FAF2: variants seen among roughly 807,000 people sequenced by gnomAD.
FAF2 encodes FAS-associated factor 2.
Under a neutral mutation model 62.3 loss-of-function variants are expected in FAF2, and 9 were observed. The observed-to-expected ratio is 0.14, with a 90% confidence interval of 0.09 to 0.25. The LOEUF is 0.25. FAF2 is among the 10% of genes least tolerant of loss of function. FAF2 has a pLI of 1.00. For missense variants in FAF2, 368 were observed against 556.2 expected (o/e 0.66, Z 3.40); for synonymous variants, 202 against 198.0 (o/e 1.02, Z -0.17).
intron 2 of FAF2, among the ~76,000 whole-genome samples, chr5:176,483,819 G>C (rs1356688631): frequency 1.3e-5 from 2 of 152,238 alleles, no homozygotes; most frequent in African/African-American, 4.8e-5. Flanking sequence ...GCTCACGCCT[G>C]TAATCCCAGC....
chr5:176,465,453 C>T (rs965510335), intron 1 of FAF2, among the ~76,000 whole-genome samples: 5 of 150,674 alleles, frequency 3.3e-5, no homozygotes, highest in African/African-American at 1.2e-4. Context: ...CTGCAGCCTC[C>T]ACCTCCTGGA....
chr5:176,476,627 C>CTTTTTTT (rs58104178), intron 1 of FAF2, among the ~76,000 whole-genome samples: 7 of 95,060 alleles, frequency 7.4e-5, no homozygotes, highest in Non-Finnish European at 9.9e-5. Context: ...ATTAGAGTCC[C>CTTTTTTT]TTTTTTTTTT....
At chr5:176,465,092 T>C (rs1758440184) in intron 1 of FAF2, among the ~76,000 whole-genome samples, 1 of 152,150 alleles carries the variant, frequency 6.6e-6, no homozygotes, top group African/African-American at 2.4e-5. Context: ...GGTTTCACCA[T>C]GTTGGCCAGG....
chr5:176,494,186 A>G lies in FAF2; in HGVS notation c.572A>G (p.Asn191Ser). 1 of 1,614,034 alleles carries G rather than the reference A, an allele frequency of 6.2e-7. No individual in the cohort carries two copies. Among genetic ancestry groups the G allele is most frequent in the Non-Finnish European group, 8.5e-7 (1 of 1,179,920 alleles). The change falls in exon 7 of 11, where the codon AAC becomes AGC. Residue 191 changes from asparagine to serine, a missense_variant and splice_region_variant. Coordinates refer to ENST00000261942, the MANE Select transcript of FAF2 (RefSeq NM_014613.3). The surrounding 1 kb of genome is among the most constrained non-coding windows in gnomAD (Gnocchi z 4.0). ...DHQDSDEFCR[N>S]TLCAPEVISL... ...ATCCTTTTCATACCTTTCCACAGCA[A>G]CACACTCTGTGCACCTGAAGTTATT...
chr5:176,449,358 C>CCT (rs1250055720), intron 1 of FAF2, among the ~76,000 whole-genome samples: 1 of 152,146 alleles, frequency 6.6e-6, no homozygotes, highest in African/African-American at 2.4e-5. Context: ...CAGCGAATCA[C>CCT]GAGGTCAGGA....
intron 1 of FAF2, among the ~76,000 whole-genome samples, chr5:176,462,026 C>G (rs1042884065): frequency 6.6e-6 from 1 of 152,118 alleles, no homozygotes; most frequent in African/African-American, 2.4e-5. Context: ...CCTGTAGTCC[C>G]AACACTTTAT....
chr5:176,473,699 T>A (rs1310581215), intron 1 of FAF2, among the ~76,000 whole-genome samples: 1 of 152,284 alleles, frequency 6.6e-6, no homozygotes, highest in Non-Finnish European at 1.5e-5. Flanking sequence ...ATTTATATCA[T>A]GCGTATTTAT....
intron 2 of FAF2, among the ~76,000 whole-genome samples, chr5:176,485,007 AATTC>A (rs1758848941): frequency 6.6e-6 from 1 of 152,232 alleles, no homozygotes; most frequent in Non-Finnish European, 1.5e-5. Flanking sequence ...AAGAAAAAGA[AATTC>A]ATAGTAGTTT....
At chr5:176,463,350 A>C (rs1581470177) in intron 1 of FAF2, among the ~76,000 whole-genome samples, 1 of 151,526 alleles carries the variant, frequency 6.6e-6, no homozygotes, top group Non-Finnish European at 1.5e-5. Context: ...GTATCACTGC[A>C]CTCCAGCCTG....
chr5:176,501,151 G>A (rs1338212451), intron 10 of FAF2, among the ~76,000 whole-genome samples: 1 of 151,606 alleles, frequency 6.6e-6, no homozygotes, highest in Non-Finnish European at 1.5e-5. Context: ...ATAATAATAG[G>A]CACTCCCTAG....
At chr5:176,505,010 A>G (rs1991473) in intron 10 of FAF2, among the ~76,000 whole-genome samples, 146,704 of 149,218 alleles carry the variant, frequency 0.98, 72,125 homozygotes, top group East Asian at 1. Context: ...GCGACAGAGC[A>G]AGACCTGTCT....
intron 1 of FAF2, among the ~76,000 whole-genome samples, chr5:176,449,331 C>T (rs1758123737): frequency 6.6e-6 from 1 of 152,204 alleles, no homozygotes; most frequent in Non-Finnish European, 1.5e-5. Flanking sequence ...AATCCCAGCA[C>T]TTTGGGAGGC....
In FAF2 at chr5:176,496,560, G is replaced by A. The variant is rs1755488683; in HGVS notation, c.736G>A (p.Val246Met). Residue 246 changes from valine to methionine, a missense_variant, in exon 8 of 11, where the codon GTG becomes ATG. By Grantham distance (21) the Val-to-Met change is conservative. Coordinates refer to ENST00000261942, the MANE Select transcript of FAF2 (RefSeq NM_014613.3). ...GCTGAAGGATCGAAGGATGACTGTG[G>A]TGGGACGGCTAGAAGGCCTCATTCA... ...IMLKDRRMTV[V>M]GRLEGLIQPD... The A allele has an allele frequency of 2.5e-6, 4 of 1,613,406 alleles. No homozygotes were observed. The highest frequency in any genetic ancestry group is 1.1e-5 in the South Asian group (1 of 91,030).
chr5:176,448,526 T>C, intron 1 of FAF2, 56 bp downstream of exon 1: 1 of 1,518,084 alleles, frequency 6.6e-7, no homozygotes, highest in Non-Finnish European at 8.9e-7. Flanking sequence ...AGTAGGCCCC[T>C]AGAGGAGTTC....
chr5:176,474,698 A>T (rs1308947829), intron 1 of FAF2, among the ~76,000 whole-genome samples: 2 of 152,186 alleles, frequency 1.3e-5, no homozygotes, highest in African/African-American at 4.8e-5. Context: ...TCTTTCATTC[A>T]GATCTCTGCT....
intron 10 of FAF2, among the ~76,000 whole-genome samples, chr5:176,505,328 T>G (rs1755657257): frequency 6.6e-6 from 1 of 152,120 alleles, no homozygotes; most frequent in African/African-American, 2.4e-5. Flanking sequence ...CAGTTTAAGT[T>G]TTAGCATCCT....
intron 10 of FAF2, among the ~76,000 whole-genome samples, chr5:176,503,683 G>T (rs1457371210): frequency 6.6e-6 from 1 of 152,102 alleles, no homozygotes; most frequent in Non-Finnish European, 1.5e-5. Flanking sequence ...AAGATAAAAG[G>T]GGTACGCTGC....
chr5:176,472,259 G>T lies in FAF2; in HGVS notation c.64-6929G>T, dbSNP rs1424071016. On this transcript the variant is annotated intron_variant, in intron 1 of 10. Transcript: ENST00000261942. ...TCTCCCGGGTTCAAGCGATTCTCCT[G>T]CCTCAGCCTCCTGAGTAGCTGGGAT... 2.0e-5 allele frequency among the ~76,000 whole-genome samples: 3 copies of T among 151,918 alleles called. No individual in the cohort carries two copies. In the East Asian group the frequency reaches 5.8e-4, roughly 29 times the overall value.
In FAF2 at chr5:176,450,576, G is replaced by A. The variant is rs1758144904; in HGVS notation, c.63+2106G>A. Among the ~76,000 whole-genome samples the A allele has an allele frequency of 1.4e-5, 2 of 147,450 alleles. 1 individual carries two copies. Among genetic ancestry groups the A allele is most frequent in the South Asian group, 4.3e-4 (2 of 4,666 alleles). On this transcript the variant is annotated intron_variant, in intron 1 of 10. Coordinates refer to ENST00000261942, the MANE Select transcript of FAF2 (RefSeq NM_014613.3). ...GAGATCTTTTTTTTTTTTTTGAGAC[G>A]GAGTTTCGCTCTTGTTGCCCAGGCT...
Sources: allele counts gnomAD v4.1 joint callset (sites outside exome capture counted in the v4.1 genomes callset), GRCh38; gene constraint gnomAD v4.1.1; non-coding constraint Gnocchi (gnomAD v3.1); transcripts MANE v1.5; gene names NCBI Gene and HGNC (gene_info 2026-07-23, HGNC 2026-07-21).